The following CDK5RAP2 variants were observed in gnomAD, a reference collection of about 807,000 sequenced individuals.
CDK5RAP2 encodes the protein CDK5 regulatory subunit associated protein 2, also known as CDK5 regulatory subunit-associated protein 2.
In CDK5RAP2, 147 loss-of-function variants were observed where a neutral mutation model predicts 232.9. That is an observed-to-expected ratio of 0.63 (90% confidence interval 0.55 to 0.72). The LOEUF is 0.72. Among genes scored for constraint, CDK5RAP2 ranks in the 30% least tolerant of loss-of-function variants. The pLI is 0.00. For synonymous variants in CDK5RAP2, 833 were observed against 833.7 expected (o/e 1.00, Z 0.01); for missense variants, 2,195 against 2,231.5 (o/e 0.98, Z 0.33).
chr9:120,576,323 C>G (rs1254510164), intron 1 of CDK5RAP2, among the ~76,000 whole-genome samples: 3 of 152,152 alleles, frequency 2.0e-5, no homozygotes, highest in Non-Finnish European at 4.4e-5. Flanking sequence ...GATTTGAATA[C>G]ACATTTCTCC....
intron 36 of CDK5RAP2, 178 bp from the exon 37 acceptor site, chr9:120,389,965 C>T (rs1209407906): frequency 1.5e-6 from 1 of 648,822 alleles, no homozygotes; most frequent in African/African-American, 1.8e-5. Flanking sequence ...CCATCACAAA[C>T]CCCAGGGCCA....
At chr9:120,539,501 TATC>T (rs1476346808) in intron 5 of CDK5RAP2, among the ~76,000 whole-genome samples, 1 of 152,226 alleles carries the variant, frequency 6.6e-6, no homozygotes, top group African/African-American at 2.4e-5. Flanking sequence ...TAAAAGTCTA[TATC>T]ATCATTTTTA....
intron 12 of CDK5RAP2, among the ~76,000 whole-genome samples, chr9:120,492,885 G>C (rs927023643): frequency 2.6e-5 from 4 of 152,114 alleles, no homozygotes; most frequent in African/African-American, 7.2e-5. Context: ...CTCTAAATTT[G>C]AATTTGAAAT....
chr9:120,446,881 C>T (rs2036221876), intron 22 of CDK5RAP2, among the ~76,000 whole-genome samples: 1 of 152,142 alleles, frequency 6.6e-6, no homozygotes, highest in Non-Finnish European at 1.5e-5. Context: ...AAATCCTGCC[C>T]CTCCTCCACA....
Position 120,389,014 on chromosome 9 carries a change from T to C in CDK5RAP2, c.*222A>G, listed in dbSNP as rs934493122. On this transcript the variant is annotated 3_prime_UTR_variant, in exon 38 of 38. Transcript: ENST00000349780. Reference sequence around the variant, plus strand: ...CCTGCCCCTGATCTGAAATACAACATCCAAGAGCTCGAGGCCTTTTTACCA... The same window carrying C: ...CCTGCCCCTGATCTGAAATACAACACCCAAGAGCTCGAGGCCTTTTTACCA... The C allele has an allele frequency of 1.7e-6, 1 of 598,400 alleles. No individual in the cohort carries two copies. Among genetic ancestry groups the C allele is most frequent in the African/African-American group, 1.9e-5 (1 of 53,798 alleles). 37.1% of individuals were successfully genotyped at this position (598,400 alleles called of 1,614,324 possible). A position where few individuals can be genotyped will look rare whatever the true frequency, so the allele number is the denominator to read the frequency against.
At chr9:120,410,085 C>T (rs1190521723) in intron 29 of CDK5RAP2, among the ~76,000 whole-genome samples, 4 of 152,124 alleles carry the variant, frequency 2.6e-5, no homozygotes, top group Non-Finnish European at 4.4e-5. Context: ...TCTCATGCAT[C>T]GCCCTATTTA....
intron 3 of CDK5RAP2, among the ~76,000 whole-genome samples, chr9:120,567,988 A>C (rs1165880107): frequency 1.3e-5 from 2 of 152,204 alleles, no homozygotes; most frequent in Non-Finnish European, 2.9e-5. Context: ...GGCCTTTGAC[A>C]AATGTTAGCT....
At chr9:120,449,824 C>A (rs1332103747) in intron 21 of CDK5RAP2, among the ~76,000 whole-genome samples, 3 of 152,202 alleles carry the variant, frequency 2.0e-5, no homozygotes, top group African/African-American at 7.2e-5. Flanking sequence ...TAAAATACCA[C>A]TACTTCATAC....
chr9:120,394,452 C>A, intron 36 of CDK5RAP2, 60 bp downstream of exon 36: 2 of 1,612,432 alleles, frequency 1.2e-6, no homozygotes, highest in Non-Finnish European at 1.7e-6. Flanking sequence ...CAGGGCAGAA[C>A]TGGGAGCCCT....
chr9:120,502,275 C>G (rs929311849), intron 12 of CDK5RAP2, among the ~76,000 whole-genome samples: 1 of 152,194 alleles, frequency 6.6e-6, no homozygotes, highest in African/African-American at 2.4e-5. Flanking sequence ...CTAGAAAGAT[C>G]GTGCACACCC....
chr9:120,567,111 C>A (rs1179962367), intron 3 of CDK5RAP2, among the ~76,000 whole-genome samples: 1 of 152,336 alleles, frequency 6.6e-6, no homozygotes, highest in East Asian at 1.9e-4. Flanking sequence ...AAAACAGGAA[C>A]AACCATTTAA....
At chr9:120,410,261 C>A (rs988668860) in intron 29 of CDK5RAP2, among the ~76,000 whole-genome samples, 25 of 152,186 alleles carry the variant, frequency 1.6e-4, no homozygotes, top group African/African-American at 5.6e-4. Context: ...TTCACCTCCT[C>A]CCTCAAGCGC....
At chr9:120,390,811 T>C (rs938232238) in intron 36 of CDK5RAP2, among the ~76,000 whole-genome samples, 1 of 152,234 alleles carries the variant, frequency 6.6e-6, no homozygotes, top group Non-Finnish European at 1.5e-5. Flanking sequence ...TTCTTCAGAA[T>C]AGGTGTCTGT....
In CDK5RAP2 at chr9:120,457,264, C is replaced by G. The variant is rs1411575335; in HGVS notation, c.2375+1186G>C. ...GGCTGGGGCTGAAATGCTTCCGTTGCCAGAAGGGAGCATTCCCCCTGACCG... is the reference window on the plus strand; with the variant it reads ...GGCTGGGGCTGAAATGCTTCCGTTGGCAGAAGGGAGCATTCCCCCTGACCG... On this transcript the variant is annotated intron_variant, in intron 20 of 37. Coordinates refer to ENST00000349780, the MANE Select transcript of CDK5RAP2 (RefSeq NM_018249.6). Among the ~76,000 whole-genome samples the G allele has an allele frequency of 6.6e-5, 10 of 152,264 alleles. No individual in the cohort carries two copies. In the East Asian group the frequency reaches 1.9e-3, roughly 29 times the overall value.
chr9:120,406,072 C>T (rs1334101455), intron 32 of CDK5RAP2: 4 of 152,202 alleles, frequency 2.6e-5, no homozygotes, highest in South Asian at 2.1e-4. Flanking sequence ...TTTTAAGATC[C>T]TTGTCAATGA....
At chr9:120,573,358 G>A (rs2042920740) in intron 1 of CDK5RAP2, among the ~76,000 whole-genome samples, 1 of 152,096 alleles carries the variant, frequency 6.6e-6, no homozygotes, top group Non-Finnish European at 1.5e-5. Context: ...AGACCAGCCT[G>A]GCCAACATGG....
rs189326246 is a variant in CDK5RAP2, at chr9:120,547,829, G to A, written c.307-2039C>T. Among the ~76,000 whole-genome samples the A allele has an allele frequency of 4.5e-3, 688 of 152,256 alleles. 10 individuals are homozygous for A. The highest frequency in any genetic ancestry group is 4.9e-3 in the Non-Finnish European group (332 of 68,022). ...GCTCCTCACTTACTCACTCCTTCAC[G>A]TCACAGAAACTTACCAAGCACCTGT... On this transcript the variant is annotated intron_variant, in intron 4 of 37. Coordinates refer to ENST00000349780, the MANE Select transcript of CDK5RAP2 (RefSeq NM_018249.6).
intron 11 of CDK5RAP2, among the ~76,000 whole-genome samples, chr9:120,519,303 G>A (rs572249839): frequency 2.0e-5 from 3 of 152,146 alleles, no homozygotes; most frequent in Non-Finnish European, 2.9e-5. Flanking sequence ...TCTAAGGTAA[G>A]TGAGCATGTT....
In CDK5RAP2 at chr9:120,530,009, G is replaced by A. The variant is rs200985313; in HGVS notation, c.794C>T (p.Ala265Val). 1.6e-5 allele frequency: 26 copies of A among 1,613,952 alleles called. No homozygotes were observed. The highest frequency in any genetic ancestry group is 1.7e-4 in the Middle Eastern group (1 of 6,054). ...SSGELRGLCAAPREEKERETE... is the reference protein window; with the variant it reads ...SSGELRGLCAVPREEKERETE... ...TTCTCTCTCCTTTTCTTCCCTTGGAGCAGCACAAAGTCCTCGGAGCTCTCC... is the reference window on the plus strand; with the variant it reads ...TTCTCTCTCCTTTTCTTCCCTTGGAACAGCACAAAGTCCTCGGAGCTCTCC... Residue 265 changes from alanine to valine, a missense_variant, in exon 8 of 38, where the codon GCT (alanine) becomes GTT (valine). Coordinates refer to ENST00000349780, the MANE Select transcript of CDK5RAP2 (RefSeq NM_018249.6).
Sources: gnomAD v4.1 joint callset for allele counts (sites outside exome capture counted in the v4.1 genomes callset) on GRCh38, gnomAD v4.1.1 for gene constraint, MANE v1.5 for transcripts, NCBI Gene and HGNC (gene_info 2026-07-23, HGNC 2026-07-21) for gene names.